Variants in KIRREL3 observed in about 807,000 individuals in gnomAD.
The protein encoded by KIRREL3 is kirre like nephrin family adhesion molecule 3.
Under a neutral mutation model 89.7 loss-of-function variants are expected in KIRREL3, and 36 were observed. That is an observed-to-expected ratio of 0.40 (90% CI 0.31 to 0.53). The LOEUF is 0.53. Ranked by LOEUF, KIRREL3 falls within the 20% of genes least tolerant of loss-of-function variation. The pLI is 0.49. For synonymous variants in KIRREL3, 445 were observed against 441.4 expected, an observed-to-expected ratio of 1.01 and a Z score of -0.10; for missense variants, 864 against 1,056.6, an observed-to-expected ratio of 0.82 and a Z score of 2.53.
At chr11:126,925,548 G>T (rs1947678936) in intron 1 of KIRREL3, among the ~76,000 whole-genome samples, 1 of 152,190 alleles carries the variant, frequency 6.6e-6, no homozygotes, top group African/African-American at 2.4e-5. Flanking sequence ...CAGATGTCAG[G>T]GACTGGGAGT....
intron 1 of KIRREL3, among the ~76,000 whole-genome samples, chr11:126,590,432 T>C (rs1051728560): frequency 3.9e-5 from 6 of 152,208 alleles, no homozygotes; most frequent in African/African-American, 1.4e-4. Context: ...CTAAGTCTTC[T>C]AGAAACTAGC....
At position 126,562,182 on chromosome 11, in the gene KIRREL3, G is replaced by C. The variant is rs961882044; in HGVS notation, c.133+653C>G. On this transcript the variant is annotated intron_variant, in intron 2 of 16. Coordinates refer to ENST00000525144, the MANE Select transcript of KIRREL3 (RefSeq NM_032531.4). This position sits in a 1 kb window ranked among gnomAD's most constrained non-coding sequence, Gnocchi z 4.7. Reference sequence around the variant, plus strand: ...AGATGGCTAGGGATGGAGAGGATTGGTTCTTTATTACAGCAGACCCGTAAG... The same window carrying C: ...AGATGGCTAGGGATGGAGAGGATTGCTTCTTTATTACAGCAGACCCGTAAG... Among the ~76,000 whole-genome samples, 1 of 152,184 alleles carries C rather than the reference G, an allele frequency of 6.6e-6. No homozygotes were observed. The highest frequency in any genetic ancestry group is 1.5e-5 in the Non-Finnish European group (1 of 68,038).
chr11:126,958,923 T>A (rs986523659), intron 1 of KIRREL3, among the ~76,000 whole-genome samples: 1 of 152,202 alleles, frequency 6.6e-6, no homozygotes, highest in Non-Finnish European at 1.5e-5. Flanking sequence ...TCTGTGAGGA[T>A]GTTTTTGGAT....
chr11:126,758,801 C>T (rs924487764), intron 1 of KIRREL3, among the ~76,000 whole-genome samples: 1 of 152,168 alleles, frequency 6.6e-6, no homozygotes, highest in Non-Finnish European at 1.5e-5. Flanking sequence ...GACAATTTCT[C>T]CCTCAAAACT....
chr11:126,572,571 G>GGC, intron 1 of KIRREL3, among the ~76,000 whole-genome samples: 1 of 37,782 alleles, frequency 2.6e-5, no homozygotes, highest in Admixed American at 2.9e-4. Context: ...GGGAAGAGGG[G>GGC]ACCCCCCCCC....
At chr11:126,435,445 C>CT in intron 12 of KIRREL3, 142 bp from the exon 13 acceptor site, 1 of 798,536 alleles carries the variant, frequency 1.3e-6, no homozygotes, top group Non-Finnish European at 2.1e-6. Flanking sequence ...CAGATCCAGG[C>CT]TAGCCCAGCT....
At chr11:126,468,732 C>T (rs1956800148) in intron 5 of KIRREL3, among the ~76,000 whole-genome samples, 1 of 152,242 alleles carries the variant, frequency 6.6e-6, no homozygotes, top group African/African-American at 2.4e-5. Context: ...CACATTTATC[C>T]AGTCCTTACT....
chr11:126,479,858 C>T (rs1957173192), intron 4 of KIRREL3, among the ~76,000 whole-genome samples: 3 of 152,206 alleles, frequency 2.0e-5, no homozygotes, highest in Non-Finnish European at 4.4e-5. Context: ...GACCACTGGT[C>T]TTCTCCTGGG....
rs1944926055 is a variant in KIRREL3, at chr11:126,652,056, A to G, written c.56-89144T>C. On this transcript the variant is annotated intron_variant, in intron 1 of 16. Transcript: ENST00000525144. This position sits in a 1 kb window ranked among gnomAD's most constrained non-coding sequence, Gnocchi z 4.9. ...TTGTGCTAACCAAAGAAAAGATGAA[A>G]TGGTGAGGGCTCATCAATTCTGGGC... Among the ~76,000 whole-genome samples, 1 of 152,196 alleles carries G rather than the reference A, an allele frequency of 6.6e-6. No individual in the cohort carries two copies. Among genetic ancestry groups the G allele is most frequent in the Non-Finnish European group, 1.5e-5 (1 of 68,036 alleles).
intron 4 of KIRREL3, among the ~76,000 whole-genome samples, chr11:126,497,277 A>G (rs1194276670): frequency 6.6e-6 from 1 of 151,698 alleles, no homozygotes; most frequent in African/African-American, 2.4e-5. Flanking sequence ...TCTGTGTGAC[A>G]GGGTGTGTGT....
chr11:126,916,817 G>A (rs531256514), intron 1 of KIRREL3, among the ~76,000 whole-genome samples: 1 of 152,306 alleles, frequency 6.6e-6, no homozygotes, highest in South Asian at 2.1e-4. Flanking sequence ...ATATGCACCT[G>A]CAGAAAGAAA....
intron 1 of KIRREL3, among the ~76,000 whole-genome samples, chr11:126,714,352 C>T (rs1005364535): frequency 1.3e-5 from 2 of 152,176 alleles, no homozygotes; most frequent in African/African-American, 4.8e-5. Flanking sequence ...AGCGTGTGGC[C>T]CAGGCCGAGC....
At position 126,696,750 on chromosome 11, in the gene KIRREL3, GT is replaced by G. The variant is rs1947114483; in HGVS notation, c.56-133839del. Among the ~76,000 whole-genome samples, 10 of 152,192 alleles carry G rather than the reference GT, an allele frequency of 6.6e-5. No homozygotes were observed. Among genetic ancestry groups the G allele is most frequent in the Admixed American group, 6.5e-4 (10 of 15,272 alleles). Reference sequence around the variant, plus strand: ...CACCGTCTTCCTGCAGGCACCGCCAGTGGACACACCGAACACCCCTCTTGTC... The same window carrying G: ...CACCGTCTTCCTGCAGGCACCGCCAGGGACACACCGAACACCCCTCTTGTC... On this transcript the variant is annotated intron_variant, in intron 1 of 16. Transcript: ENST00000525144. The surrounding 1 kb of genome is among the most constrained non-coding windows in gnomAD (Gnocchi z 4.4).
In KIRREL3 at chr11:126,924,825, TC is replaced by T. The variant is rs1947630296; in HGVS notation, c.55+75629del. Among the ~76,000 whole-genome samples, 1 of 152,152 alleles carries T rather than the reference TC, an allele frequency of 6.6e-6. No homozygotes were observed. Among genetic ancestry groups the T allele is most frequent in the Admixed American group, 6.5e-5 (1 of 15,280 alleles). On this transcript the variant is annotated intron_variant, in intron 1 of 16. Coordinates refer to ENST00000525144, the MANE Select transcript of KIRREL3 (RefSeq NM_032531.4). This position sits in a 1 kb window ranked among gnomAD's most constrained non-coding sequence, Gnocchi z 4.7. ...CACCTCAACCCTCCTGGTTAGCCTC[TC>T]TGATGTTGAGAATGAAAGTTGTTAT...
chr11:126,795,377 C>T lies in KIRREL3; in HGVS notation c.55+205078G>A, dbSNP rs923752249. On this transcript the variant is annotated intron_variant, in intron 1 of 16. Coordinates refer to ENST00000525144, the MANE Select transcript of KIRREL3 (RefSeq NM_032531.4). This position sits in a 1 kb window ranked among gnomAD's most constrained non-coding sequence, Gnocchi z 4.1. Reference sequence around the variant, plus strand: ...TACATATAAATTTTATTTTATTTTACTTTATTTTTTGAGACAGAGTCTCAG... The same window carrying T: ...TACATATAAATTTTATTTTATTTTATTTTATTTTTTGAGACAGAGTCTCAG... Among the ~76,000 whole-genome samples the T allele has an allele frequency of 6.6e-6, 1 of 152,030 alleles. No homozygotes were observed. The highest frequency in any genetic ancestry group is 2.4e-5 in the African/African-American group (1 of 41,392).
In KIRREL3 at chr11:126,513,682, G is replaced by A. The variant is rs1958303207; in HGVS notation, c.433+7633C>T. 6.6e-6 allele frequency among the ~76,000 whole-genome samples: 1 copy of A among 152,166 alleles called. No homozygotes were observed. Among genetic ancestry groups the A allele is most frequent in the Non-Finnish European group, 1.5e-5 (1 of 68,030 alleles). On this transcript the variant is annotated intron_variant, in intron 4 of 16. Transcript: ENST00000525144. This position sits in a 1 kb window ranked among gnomAD's most constrained non-coding sequence, Gnocchi z 5.9. ...GGGTAAAGAGACAGAGGCCATGCCT[G>A]CCCATGGTAACATGCAGATTATGGG...
At chr11:126,482,876 T>A (rs1227742969) in intron 4 of KIRREL3, among the ~76,000 whole-genome samples, 1 of 152,252 alleles carries the variant, frequency 6.6e-6, no homozygotes, top group Non-Finnish European at 1.5e-5. Context: ...AGCAGAGAGA[T>A]GAGCCATCTC....
At chr11:126,667,229 T>C (rs1363372277) in intron 1 of KIRREL3, among the ~76,000 whole-genome samples, 6 of 152,234 alleles carry the variant, frequency 3.9e-5, no homozygotes, top group African/African-American at 1.4e-4. Context: ...CAAAAGTCCA[T>C]TTCCATTCCC....
intron 4 of KIRREL3, among the ~76,000 whole-genome samples, chr11:126,511,051 G>C (rs976804130): frequency 1.1e-4 from 16 of 141,068 alleles, no homozygotes; most frequent in Middle Eastern, 3.5e-3. Flanking sequence ...GCAGTGCTGT[G>C]TGTGTGTGTG....
Sources: gnomAD v4.1 joint callset for allele counts (sites outside exome capture counted in the v4.1 genomes callset) on GRCh38, gnomAD v4.1.1 for gene constraint, Gnocchi (gnomAD v3.1) non-coding constraint, MANE v1.5 for transcripts, NCBI Gene and HGNC (gene_info 2026-07-23, HGNC 2026-07-21) for gene names.